TMEM17: variants seen among roughly 807,000 people sequenced by gnomAD.
TMEM17 encodes the protein transmembrane protein 17.
Under a neutral mutation model 19.1 loss-of-function variants are expected in TMEM17, and 15 were observed. The ratio of observed to expected loss-of-function variants is 0.78; its 90% confidence interval spans 0.52 to 1.21. TMEM17 has a LOEUF of 1.21. Ranked by LOEUF, TMEM17 falls within the 50% of genes most tolerant of loss-of-function variation. TMEM17 has a pLI of 0.00. For missense variants in TMEM17, 245 were observed against 242.3 expected, an observed-to-expected ratio of 1.01 and a Z score of -0.07; for synonymous variants, 103 against 86.9, an observed-to-expected ratio of 1.19 and a Z score of -1.03.
At chr2:62,490,851 C>T in the TMEM17 span, among the ~76,000 whole-genome samples, 7 of 151,966 alleles carry the variant, frequency 4.6e-5, no homozygotes, top group Admixed American at 2.0e-4. Context: ...CCAAGATGGG[C>T]GGATCACCTG....
chr2:62,497,778 G>C (rs139909966), downstream of TMEM17, among the ~76,000 whole-genome samples: 1 of 152,318 alleles, frequency 6.6e-6, no homozygotes, highest in African/African-American at 2.4e-5. Flanking sequence ...ATGCTAAATG[G>C]TGTTGATGTA....
chr2:62,491,078 CAAAAAAAAAAA>C, the TMEM17 span: 25 of 35,482 alleles, frequency 7.0e-4, no homozygotes, highest in African/African-American at 2.0e-3. Flanking sequence ...GACTCCGTCT[CAAAAAAAAAAA>C]AAAAAAAAAA....
In TMEM17 at chr2:62,500,369, A is replaced by T. The variant is rs941505468; in HGVS notation, c.*840T>A. 2.6e-5 allele frequency: 4 copies of T among 152,222 alleles called. No homozygotes were observed. The highest frequency in any genetic ancestry group is 5.9e-5 in the Non-Finnish European group (4 of 68,040). 9.4% of individuals were successfully genotyped at this position (152,222 alleles called of 1,614,324 possible). A position where few individuals can be genotyped will look rare whatever the true frequency, so the allele number is the denominator to read the frequency against. ...AGGCAATCCACCTGTTTTCTTCTTCATCTCAGTATAACAGCTAATATTAGG... is the reference window on the plus strand; with the variant it reads ...AGGCAATCCACCTGTTTTCTTCTTCTTCTCAGTATAACAGCTAATATTAGG... On this transcript the variant is annotated 3_prime_UTR_variant, in exon 4 of 4. Coordinates refer to ENST00000335390, the MANE Select transcript of TMEM17 (RefSeq NM_198276.3).
the TMEM17 span, among the ~76,000 whole-genome samples, chr2:62,475,810 G>T: frequency 6.6e-6 from 1 of 152,200 alleles, no homozygotes; most frequent in African/African-American, 2.4e-5. Flanking sequence ...GATTAAATCA[G>T]GAACAAAACA....
At chr2:62,479,036 C>G in the TMEM17 span, among the ~76,000 whole-genome samples, 1 of 152,176 alleles carries the variant, frequency 6.6e-6, no homozygotes, top group African/African-American at 2.4e-5. Flanking sequence ...TTAGCATATG[C>G]GTCATCTCAA....
the TMEM17 span, chr2:62,491,099 A>AC: frequency 6.6e-6 from 1 of 152,054 alleles, no homozygotes; most frequent in African/African-American, 2.4e-5. Flanking sequence ...AAAAAAAAAA[A>AC]AAAAAACCTC....
chr2:62,484,834 G>C, the TMEM17 span, among the ~76,000 whole-genome samples: 1 of 152,160 alleles, frequency 6.6e-6, no homozygotes, highest in Non-Finnish European at 1.5e-5. Context: ...GACCAAAATG[G>C]ATGGTCATAC....
chr2:62,496,836 G>A (rs1161536812), downstream of TMEM17, among the ~76,000 whole-genome samples: 3 of 152,154 alleles, frequency 2.0e-5, no homozygotes, highest in Non-Finnish European at 2.9e-5. Context: ...GGTGGCTCAC[G>A]CCTGTAATCC....
the TMEM17 span, among the ~76,000 whole-genome samples, chr2:62,456,059 T>A: frequency 6.6e-6 from 1 of 152,214 alleles, no homozygotes; most frequent in Non-Finnish European, 1.5e-5. Flanking sequence ...AGAGAGATGG[T>A]CAATTTCCCT....
chr2:62,467,218 CT>C, the TMEM17 span, among the ~76,000 whole-genome samples: 1 of 152,172 alleles, frequency 6.6e-6, no homozygotes, highest in East Asian at 1.9e-4. Context: ...CTCCCCACCC[CT>C]GCACCTGCCC....
the TMEM17 span, among the ~76,000 whole-genome samples, chr2:62,458,709 C>T: frequency 1.3e-5 from 2 of 152,156 alleles, no homozygotes; most frequent in African/African-American, 4.8e-5. Context: ...ATAAGTTGGG[C>T]CTTCTGGTGA....
chr2:62,505,809 G>C (rs971266088), intron 1 of TMEM17, among the ~76,000 whole-genome samples: 1 of 152,210 alleles, frequency 6.6e-6, no homozygotes, highest in Non-Finnish European at 1.5e-5. Flanking sequence ...AAGCTGGCCA[G>C]GGAGCACCAC....
At position 62,501,194 on chromosome 2, in the gene TMEM17, C is replaced by A. The variant is rs1056790402; in HGVS notation, c.*15G>T. ...TCTAGAATGATCTGTCAGATTTTCA[C>A]TCAACAACACTGGATCAGATCTCTT... On this transcript the variant is annotated 3_prime_UTR_variant, in exon 4 of 4. Transcript: ENST00000335390. The A allele has an allele frequency of 1.2e-6, 2 of 1,605,144 alleles. No homozygotes were observed. The highest frequency in any genetic ancestry group is 2.7e-5 in the African/African-American group (2 of 74,636).
the TMEM17 span, among the ~76,000 whole-genome samples, chr2:62,472,039 A>G: frequency 6.6e-6 from 1 of 152,180 alleles, no homozygotes; most frequent in East Asian, 1.9e-4. Flanking sequence ...GCTGAAGCCA[A>G]CCTTGGCGGG....
chr2:62,473,772 C>A, the TMEM17 span, among the ~76,000 whole-genome samples: 123 of 152,338 alleles, frequency 8.1e-4, no homozygotes, highest in African/African-American at 2.9e-3. Context: ...GTTGGTGGAA[C>A]TAATGACCTG....
chr2:62,460,993 G>A, the TMEM17 span, among the ~76,000 whole-genome samples: 16 of 152,290 alleles, frequency 1.1e-4, no homozygotes, highest in East Asian at 3.1e-3. Flanking sequence ...AGATTTTGGA[G>A]GAAGGAACCC....
At chr2:62,455,435 A>G in the TMEM17 span, among the ~76,000 whole-genome samples, 2 of 152,234 alleles carry the variant, frequency 1.3e-5, no homozygotes, top group Admixed American at 6.5e-5. Flanking sequence ...TCTTATATGC[A>G]CATATATTTG....
At chr2:62,501,606 A>G in intron 3 of TMEM17, 119 bp from the exon 4 acceptor site, 1 of 979,908 alleles carries the variant, frequency 1.0e-6, no homozygotes. Flanking sequence ...AGTGATTCCA[A>G]AGGAGGATGA....
chr2:62,459,811 G>T, the TMEM17 span, among the ~76,000 whole-genome samples: 1 of 152,190 alleles, frequency 6.6e-6, no homozygotes, highest in Non-Finnish European at 1.5e-5. Flanking sequence ...GCCCAGGCTG[G>T]AGTATGGTTG....
Sources: gnomAD v4.1 joint callset for allele counts (sites outside exome capture counted in the v4.1 genomes callset) on GRCh38, gnomAD v4.1.1 for gene constraint, MANE v1.5 for transcripts, NCBI Gene and HGNC (gene_info 2026-07-23, HGNC 2026-07-21) for gene names.